The following SRPK2 variants were observed in gnomAD, a reference collection of about 807,000 sequenced individuals.
The protein encoded by SRPK2 is SRSF protein kinase 2, also known as SFRS protein kinase 2.
A neutral mutation model predicts 90.8 loss-of-function variants in SRPK2; 21 were observed. That is an observed-to-expected ratio of 0.23 (90% CI 0.16 to 0.33). The LOEUF is 0.33. Ranked by LOEUF, SRPK2 falls within the 10% of genes least tolerant of loss-of-function variation. The probability of loss-of-function intolerance (pLI) is 1.00; values close to 1 mark genes in which losing one functional copy is unlikely to be tolerated. For synonymous variants in SRPK2, 288 were observed against 311.1 expected (o/e 0.93, Z 0.78); for missense variants, 620 against 869.0 (o/e 0.71, Z 3.60).
At chr7:105,236,724 T>C (rs1474851827) in intron 2 of SRPK2, among the ~76,000 whole-genome samples, 3 of 152,126 alleles carry the variant, frequency 2.0e-5, no homozygotes, top group Non-Finnish European at 4.4e-5. Flanking sequence ...GACAAGAGCA[T>C]ACCAGTGTAC....
At position 105,243,195 on chromosome 7, in the gene SRPK2, G is replaced by A. The variant is rs902800638; in HGVS notation, c.72-39410C>T. Among the ~76,000 whole-genome samples the A allele has an allele frequency of 5.9e-5, 9 of 151,954 alleles. No individual in the cohort carries two copies. The East Asian group carries it at 1.4e-3, about 23-fold the overall frequency. ...TCTTTTATTATCTGGGTAGATAAGG[G>A]GAATCCCTATGTTCCCCAGGCTTGT... On this transcript the variant is annotated intron_variant, in intron 2 of 15. Coordinates refer to ENST00000393651, the MANE Select transcript of SRPK2 (RefSeq NM_182692.3).
At chr7:105,299,848 C>A (rs575871355) in intron 2 of SRPK2, among the ~76,000 whole-genome samples, 1 of 152,126 alleles carries the variant, frequency 6.6e-6, no homozygotes, top group East Asian at 1.9e-4. Flanking sequence ...GAGCCGAGAT[C>A]GCGCCACTGC....
intron 13 of SRPK2, among the ~76,000 whole-genome samples, chr7:105,130,500 T>C (rs368670346): frequency 1.8e-4 from 28 of 152,170 alleles, no homozygotes; most frequent in Non-Finnish European, 3.4e-4. Flanking sequence ...CAGTGAACTA[T>C]AGTCCTGCCA....
At chr7:105,382,254 A>G (rs970853230) in intron 2 of SRPK2, among the ~76,000 whole-genome samples, 9 of 150,670 alleles carry the variant, frequency 6.0e-5, no homozygotes, top group African/African-American at 2.2e-4. Context: ...ACTTGTTACC[A>G]ATAAAAAGGA....
At chr7:105,123,997 G>GT (rs1414797339) in intron 15 of SRPK2, among the ~76,000 whole-genome samples, 5 of 152,240 alleles carry the variant, frequency 3.3e-5, no homozygotes. Flanking sequence ...ACTCGATCAC[G>GT]TAAGTCCTAA....
At chr7:105,118,155 C>T in intron 15 of SRPK2, 133 bp from the exon 16 acceptor site, 1 of 812,114 alleles carries the variant, frequency 1.2e-6, no homozygotes, top group Non-Finnish European at 1.9e-6. Flanking sequence ...CAAAGAACAC[C>T]AGCTTTTCCC....
At chr7:105,244,693 C>A in intron 2 of SRPK2, 1 of 1,146,410 alleles carries the variant, frequency 8.7e-7, no homozygotes. Context: ...TCAACAAGGG[C>A]CAAAAGGTGA....
At chr7:105,346,527 G>A (rs900373084) in intron 2 of SRPK2, among the ~76,000 whole-genome samples, 2 of 152,090 alleles carry the variant, frequency 1.3e-5, no homozygotes, top group Admixed American at 6.6e-5. Context: ...AGGGCAAGGC[G>A]GGCGGATCAC....
chr7:105,140,770 G>A (rs1290934857), intron 11 of SRPK2, among the ~76,000 whole-genome samples: 1 of 151,564 alleles, frequency 6.6e-6, no homozygotes, highest in African/African-American at 2.4e-5. Context: ...AGACCAGCCT[G>A]ACCAACATGG....
chr7:105,353,340 GT>G (rs1197276249), intron 2 of SRPK2, among the ~76,000 whole-genome samples: 3 of 151,894 alleles, frequency 2.0e-5, no homozygotes, highest in Admixed American at 1.3e-4. Context: ...TAATGGTTTT[GT>G]TTTTTTGTGT....
At chr7:105,252,146 T>C (rs1323291229) in intron 2 of SRPK2, among the ~76,000 whole-genome samples, 3 of 152,192 alleles carry the variant, frequency 2.0e-5, no homozygotes, top group Non-Finnish European at 4.4e-5. Context: ...GACAGAAAAT[T>C]AAGCAGCTCC....
chr7:105,170,050 A>C (rs1748356151), intron 3 of SRPK2, among the ~76,000 whole-genome samples: 1 of 152,170 alleles, frequency 6.6e-6, no homozygotes, highest in African/African-American at 2.4e-5. Flanking sequence ...TCCTAGGCTC[A>C]AACAATCCGC....
intron 2 of SRPK2, among the ~76,000 whole-genome samples, chr7:105,318,728 G>A (rs994788204): frequency 2.0e-5 from 3 of 152,094 alleles, no homozygotes; most frequent in Non-Finnish European, 4.4e-5. Context: ...CATCCCCTTT[G>A]AGAATATGAG....
chr7:105,325,163 T>C (rs2131598077), intron 2 of SRPK2, among the ~76,000 whole-genome samples: 1 of 152,218 alleles, frequency 6.6e-6, no homozygotes, highest in Non-Finnish European at 1.5e-5. Flanking sequence ...GAAGAAAACA[T>C]TTAACAAAAT....
chr7:105,259,644 G>A (rs1355907564), intron 2 of SRPK2, among the ~76,000 whole-genome samples: 2 of 152,094 alleles, frequency 1.3e-5, no homozygotes, highest in Non-Finnish European at 2.9e-5. Context: ...TATACTACAA[G>A]GCTACAGTAA....
At chr7:105,157,191 G>C (rs1366315409) in intron 7 of SRPK2, among the ~76,000 whole-genome samples, 1 of 152,172 alleles carries the variant, frequency 6.6e-6, no homozygotes. Context: ...AGAACATCAA[G>C]AGTAAAAGAC....
intron 2 of SRPK2, among the ~76,000 whole-genome samples, chr7:105,342,014 AG>A (rs1815863301): frequency 6.6e-6 from 1 of 152,022 alleles, no homozygotes; most frequent in African/African-American, 2.4e-5. Flanking sequence ...CTGTAATCCC[AG>A]CACTTGGGGA....
At chr7:105,385,554 G>A (rs762316662) in intron 2 of SRPK2, among the ~76,000 whole-genome samples, 3 of 152,012 alleles carry the variant, frequency 2.0e-5, no homozygotes, top group African/African-American at 4.8e-5. Context: ...GGGTAGACAC[G>A]CTCTGACTCC....
intron 2 of SRPK2, among the ~76,000 whole-genome samples, chr7:105,240,888 GT>G (rs1464804894): frequency 5.9e-5 from 9 of 152,068 alleles, no homozygotes; most frequent in African/African-American, 2.2e-4. Flanking sequence ...AGTAACCTTT[GT>G]CAGTACTATG....
Sources: gnomAD v4.1 joint callset for allele counts (sites outside exome capture counted in the v4.1 genomes callset) on GRCh38, gnomAD v4.1.1 for gene constraint, MANE v1.5 for transcripts, NCBI Gene and HGNC (gene_info 2026-07-23, HGNC 2026-07-21) for gene names.